The following RPRD2 variants were observed in gnomAD, a reference collection of about 807,000 sequenced individuals.
RPRD2 encodes regulation of nuclear pre-mRNA domain-containing protein 2.
In RPRD2, 12 loss-of-function variants were observed where a neutral mutation model predicts 104.4. The observed-to-expected ratio is 0.11, with a 90% confidence interval of 0.07 to 0.19. RPRD2 has a LOEUF of 0.19. RPRD2 is among the 10% of genes least tolerant of loss of function. The pLI, the probability that RPRD2 is intolerant of heterozygous loss-of-function variation, is 1.00. For missense variants in RPRD2, 1,543 were observed against 1,790.1 expected (o/e 0.86, Z 2.49); for synonymous variants, 714 against 684.9 (o/e 1.04, Z -0.66).
intron 2 of RPRD2, among the ~76,000 whole-genome samples, chr1:150,421,512 A>G (rs1302513591): frequency 2.6e-5 from 4 of 152,174 alleles, no homozygotes; most frequent in Admixed American, 6.6e-5. Flanking sequence ...TAAATATCCA[A>G]GGTAATTTTT....
At chr1:150,390,024 C>T (rs1661946404) in intron 1 of RPRD2, among the ~76,000 whole-genome samples, 3 of 152,102 alleles carry the variant, frequency 2.0e-5, no homozygotes, top group South Asian at 4.2e-4. Flanking sequence ...AATGCAAATA[C>T]ATTTTTAGAA....
Position 150,470,989 on chromosome 1 carries a change from G to A in RPRD2, c.2041G>A (p.Gly681Ser). The change falls in exon 11 of 11, where the codon GGT becomes AGT. Residue 681 changes from glycine to serine, a missense_variant. Gly to Ser is a moderately conservative substitution (Grantham distance 56). This residue lies in a region of RPRD2 where 572 missense variants were observed against 787.3 expected (regional missense o/e 0.73). Coordinates refer to ENST00000369068, the MANE Select transcript of RPRD2 (RefSeq NM_015203.5). Reference protein sequence around the residue: ...KIHNFLKGNPGFSGLNLNIPI... With the variant: ...KIHNFLKGNPSFSGLNLNIPI... ...TCACAACTTCTTAAAAGGTAATCCT[G>A]GTTTCAGTGGCTTAAACTTAAACAT... 1 of 1,613,966 alleles carries A rather than the reference G, an allele frequency of 6.2e-7. No homozygotes were observed. Among genetic ancestry groups the A allele is most frequent in the South Asian group, 1.1e-5 (1 of 91,092 alleles).
At position 150,471,912 on chromosome 1, in the gene RPRD2, A is replaced by T. The variant is rs763765139; in HGVS notation, c.2964A>T (p.Pro988=). ...QNTLAAPTGH[P]PTSGVEKVLA... ...CCCTTGCCGCTCCCACGGGTCACCC[A>T]CCCACGTCAGGCGTGGAGAAAGTCC... The change falls in exon 11 of 11, where the codon CCA becomes CCT. Residue 988 remains proline (P), a synonymous_variant. Coordinates refer to ENST00000369068, the MANE Select transcript of RPRD2 (RefSeq NM_015203.5). This position sits in a 1 kb window ranked among gnomAD's most constrained non-coding sequence, Gnocchi z 5.3. The T allele has an allele frequency of 3.7e-6, 6 of 1,613,828 alleles. No individual in the cohort carries two copies. The Admixed American group carries it at 1.0e-4, about 27-fold the overall frequency.
At chr1:150,451,532 G>A (rs1481671608) in intron 7 of RPRD2, among the ~76,000 whole-genome samples, 3 of 151,826 alleles carry the variant, frequency 2.0e-5, no homozygotes, top group African/African-American at 4.8e-5. Context: ...AAAATTAGCC[G>A]GGCGCAGTGG....
chr1:150,382,352 A>AT (rs1661200708), intron 1 of RPRD2, among the ~76,000 whole-genome samples: 1 of 152,228 alleles, frequency 6.6e-6, no homozygotes, highest in Admixed American at 6.5e-5. Flanking sequence ...GAACTTAAGA[A>AT]TTTTTTATGT....
At chr1:150,439,658 T>C (rs587712300) in intron 2 of RPRD2, among the ~76,000 whole-genome samples, 2 of 150,784 alleles carry the variant, frequency 1.3e-5, no homozygotes, top group Admixed American at 6.6e-5. Flanking sequence ...AATCTCCATA[T>C]GGTTTGGTGG....
chr1:150,464,648 C>T lies in RPRD2; in HGVS notation c.1533C>T (p.Leu511=). 1 of 1,612,934 alleles carries T rather than the reference C, an allele frequency of 6.2e-7. No homozygotes were observed. The highest frequency in any genetic ancestry group is 8.5e-7 in the Non-Finnish European group (1 of 1,179,472). ...TTSHNPLANI[L]SKVEITPESI... ...CTCACAACCCTCTGGCAAATATCCTCTCCAAGGTGGAGATCACCCCAGAGA... is the reference window on the plus strand; with the variant it reads ...CTCACAACCCTCTGGCAAATATCCTTTCCAAGGTGGAGATCACCCCAGAGA... The change falls in exon 10 of 11, where the codon CTC becomes CTT. Residue 511 remains leucine (L), a synonymous_variant. Transcript: ENST00000369068.
Position 150,446,076 on chromosome 1 carries a change from A to AAAT in RPRD2, c.695-148_695-147insTAA, listed in dbSNP as rs1666752367. ...GAGTGAGACTCCGTCTCAAAAAAAA[A>AAAT]AAAAAAGAAAGAAACTAAGAGTATT... On this transcript the variant is annotated intron_variant, in intron 6 of 10. Coordinates refer to ENST00000369068, the MANE Select transcript of RPRD2 (RefSeq NM_015203.5). 3.9e-6 allele frequency: 2 copies of AAAT among 515,288 alleles called. 1 individual carries two copies. Among genetic ancestry groups the AAAT allele is most frequent in the Non-Finnish European group, 6.5e-6 (2 of 309,360 alleles). The allele number at this position is 515,288 out of a possible 1,614,324, so 31.9% of individuals were successfully genotyped here. A position where few individuals can be genotyped will look rare whatever the true frequency, so the allele number is the denominator to read the frequency against.
intron 1 of RPRD2, among the ~76,000 whole-genome samples, chr1:150,372,488 A>AACACACACACAC (rs781938858): frequency 3.3e-4 from 28 of 83,794 alleles, no homozygotes; most frequent in Admixed American, 3.1e-4. Context: ...TGAAAAAAGA[A>AACACACACACAC]ACACACACAC....
intron 1 of RPRD2, among the ~76,000 whole-genome samples, chr1:150,376,779 C>T (rs1274110039): frequency 6.6e-6 from 1 of 151,208 alleles, no homozygotes; most frequent in Non-Finnish European, 1.5e-5. Flanking sequence ...GGATTACAGG[C>T]GTGAGCCACC....
chr1:150,397,808 G>A lies in RPRD2; in HGVS notation c.206-19788G>A, dbSNP rs150674851. ...GTTGCCCAGGCTGGAGTGTAGTGGC[G>A]CCATCTCCGCTCACTGCAGCTTCTG... On this transcript the variant is annotated intron_variant, in intron 1 of 10. Transcript: ENST00000369068. 3.1e-4 allele frequency among the ~76,000 whole-genome samples: 47 copies of A among 150,052 alleles called. 2 individuals carry two copies. In the East Asian group the frequency reaches 4.9e-3, roughly 16 times the overall value.
At chr1:150,408,517 C>A (rs1043803249) in intron 1 of RPRD2, among the ~76,000 whole-genome samples, 10 of 152,084 alleles carry the variant, frequency 6.6e-5, no homozygotes, top group African/African-American at 2.4e-4. Context: ...ATTTTTCTTT[C>A]CTGTGTTTTC....
At chr1:150,368,111 C>A (rs1419091766) in intron 1 of RPRD2, among the ~76,000 whole-genome samples, 1 of 151,202 alleles carries the variant, frequency 6.6e-6, no homozygotes, top group Non-Finnish European at 1.5e-5. Flanking sequence ...CTGCCTACCT[C>A]GGGCTTCTTC....
chr1:150,446,418 G>A lies in RPRD2; in HGVS notation c.870+17G>A. ...GTGGCTAATGTAAGTAATAATTAAA[G>A]CTGTCTTATACTGAATGCTTGTTAC... On this transcript the variant is annotated intron_variant, in intron 7 of 10. Transcript: ENST00000369068. 6.4e-7 allele frequency: 1 copy of A among 1,568,574 alleles called. No homozygotes were observed. Among genetic ancestry groups the A allele is most frequent in the Non-Finnish European group, 8.6e-7 (1 of 1,156,580 alleles).
intron 7 of RPRD2, among the ~76,000 whole-genome samples, chr1:150,456,627 T>TA (rs149595688): frequency 4.9e-4 from 70 of 143,850 alleles, no homozygotes; most frequent in African/African-American, 1.1e-3. Flanking sequence ...AAATTTTATT[T>TA]AAAAAAAAAA....
chr1:150,374,358 G>A (rs587665272), intron 1 of RPRD2, among the ~76,000 whole-genome samples: 13 of 152,260 alleles, frequency 8.5e-5, no homozygotes, highest in African/African-American at 3.1e-4. Context: ...TTCATCTGGT[G>A]TTCATTGGTG....
intron 1 of RPRD2, among the ~76,000 whole-genome samples, chr1:150,393,861 T>C (rs960733792): frequency 7.2e-5 from 11 of 151,912 alleles, no homozygotes; most frequent in Admixed American, 3.9e-4. Context: ...CTCTCCTACA[T>C]TGAGAGATAA....
Position 150,364,571 on chromosome 1 carries a change from G to T in RPRD2, c.-144G>T, listed in dbSNP as rs1659678550. 1.7e-6 allele frequency: 1 copy of T among 596,310 alleles called. No homozygotes were observed. The highest frequency in any genetic ancestry group is 2.1e-5 in the South Asian group (1 of 48,304). 36.9% of individuals were successfully genotyped at this position (596,310 alleles called of 1,614,324 possible). A position where few individuals can be genotyped will look rare whatever the true frequency, so the allele number is the denominator to read the frequency against. ...TGTTCCCGTCCGTACCTCCAGAAGA[G>T]CCCAGCGCGTGCACCATCCCCACCC... On this transcript the variant is annotated 5_prime_UTR_variant, in exon 1 of 11. Transcript: ENST00000369068.
intron 9 of RPRD2, among the ~76,000 whole-genome samples, 183 bp from the exon 10 acceptor site, chr1:150,464,344 G>A (rs2102423239): frequency 1.4e-5 from 2 of 147,262 alleles, no homozygotes; most frequent in Middle Eastern, 3.6e-3. Context: ...CCAAGTAAAA[G>A]GAGATAATCT....
Sources: gnomAD v4.1 joint callset for allele counts (sites outside exome capture counted in the v4.1 genomes callset) on GRCh38, gnomAD v4.1.1 for gene constraint, gnomAD v4.1.1 regional missense constraint, Gnocchi (gnomAD v3.1) non-coding constraint, MANE v1.5 for transcripts, NCBI Gene and HGNC (gene_info 2026-07-23, HGNC 2026-07-21) for gene names.